UGT1A4: variants seen among roughly 807,000 people sequenced by gnomAD.
UGT1A4 encodes UDP glucuronosyltransferase family 1 member A4, also known as UDP-glucuronosyltransferase 1A4.
A neutral mutation model predicts 41.1 loss-of-function variants in UGT1A4; 32 were observed. The ratio of observed to expected loss-of-function variants is 0.78; its 90% CI spans 0.59 to 1.05. UGT1A4 has a LOEUF of 1.05. Ranked by LOEUF, UGT1A4 falls within the 50% of genes least tolerant of loss-of-function variation. The pLI is 0.00. For synonymous variants in UGT1A4, 283 were observed against 265.1 expected (o/e 1.07, Z -0.66); for missense variants, 748 against 677.4 (o/e 1.10, Z -1.16).
intron 1 of UGT1A4, chr2:233,729,238 G>A: frequency 6.2e-7 from 1 of 1,614,214 alleles, no homozygotes; most frequent in Non-Finnish European, 8.5e-7. Flanking sequence ...GCCCATTGAT[G>A]GCAGCCACTG....
intron 1 of UGT1A4, chr2:233,721,701 C>T: frequency 2.8e-6 from 1 of 362,480 alleles, no homozygotes; most frequent in Non-Finnish European, 5.5e-6. Flanking sequence ...ACGCATGGCT[C>T]ATCTTGGATG....
chr2:233,760,197 G>A (rs2125980210), intron 1 of UGT1A4: 1 of 1,578,860 alleles, frequency 6.3e-7, no homozygotes, highest in Admixed American at 1.7e-5. Context: ...ACGTGACACA[G>A]TCAAACATTA....
At chr2:233,728,368 C>T (rs1168371708) in intron 1 of UGT1A4, among the ~76,000 whole-genome samples, 7 of 152,282 alleles carry the variant, frequency 4.6e-5, no homozygotes, top group African/African-American at 1.2e-4. Context: ...CTGAACCCAC[C>T]ATGGGTCTTT....
In UGT1A4 at chr2:233,760,900, AC is replaced by A. The variant is rs1697605792; in HGVS notation, c.868-6132del. 3.1e-6 allele frequency: 5 copies of A among 1,613,652 alleles called. No individual in the cohort carries two copies. The highest frequency in any genetic ancestry group is 3.3e-5 in the Admixed American group (2 of 59,970). On this transcript the variant is annotated intron_variant, in intron 1 of 4. Coordinates refer to ENST00000373409, the MANE Select transcript of UGT1A4 (RefSeq NM_007120.3). The stretch of plus-strand genomic sequence containing the variant: ...TCTCTCCTCTCATTCAGATCACATG[AC>A]CTTCCTGCAGCGGGTGAAGAACATG...
intron 1 of UGT1A4, among the ~76,000 whole-genome samples, chr2:233,735,108 G>A (rs1171222877): frequency 3.9e-5 from 6 of 152,182 alleles, no homozygotes; most frequent in Non-Finnish European, 8.8e-5. Context: ...AATATCGACA[G>A]TGGGATGTTA....
chr2:233,743,205 G>A (rs1013981609), intron 1 of UGT1A4: 19 of 391,306 alleles, frequency 4.9e-5, no homozygotes, highest in South Asian at 9.4e-5. Flanking sequence ...GTGTCAATGC[G>A]GAGTAACTGC....
intron 1 of UGT1A4, among the ~76,000 whole-genome samples, chr2:233,765,129 C>T (rs936294408): frequency 1.3e-5 from 2 of 152,146 alleles, no homozygotes; most frequent in African/African-American, 2.4e-5. Flanking sequence ...CAGGTTTTAG[C>T]ACTGAACATC....
chr2:233,721,853 G>A, intron 1 of UGT1A4: 2 of 512,954 alleles, frequency 3.9e-6, no homozygotes, highest in South Asian at 2.8e-5. Flanking sequence ...CAGCCCCACT[G>A]CTCGGCCCTG....
chr2:233,736,519 G>A (rs746723553), intron 1 of UGT1A4, among the ~76,000 whole-genome samples: 27 of 152,186 alleles, frequency 1.8e-4, no homozygotes, highest in African/African-American at 5.3e-4. Context: ...CTGTCAACTC[G>A]TCAAAGTCAT....
intron 1 of UGT1A4, chr2:233,760,742 C>T: frequency 3.1e-6 from 5 of 1,614,166 alleles, no homozygotes; most frequent in Non-Finnish European, 4.2e-6. Context: ...CTGACGGACC[C>T]TTTCCTTCCT....
rs17868341 is a variant in UGT1A4 at position 233,761,240 on chromosome 2, C to T, written c.868-5794C>T. ...TAACTAGCCCCAGATATATGCTGAG[C>T]AAGCATTCTGAGATAATTTAAAATG... is the stretch of plus-strand genomic sequence containing the variant. On this transcript the variant is annotated intron_variant, in intron 1 of 4. Coordinates refer to ENST00000373409, the MANE Select transcript of UGT1A4 (RefSeq NM_007120.3). 0.052 allele frequency: 84,282 copies of T among 1,611,682 alleles called. 2,670 individuals carry two copies. The highest frequency in any genetic ancestry group is 0.063 in the Non-Finnish European group (74,222 of 1,178,902).
rs28900381 is a variant in UGT1A4 at position 233,747,569 on chromosome 2, T to A, written c.868-19465T>A. The A allele has an allele frequency of 1.9e-3, 2,961 of 1,591,598 alleles. 126 individuals are homozygous for A. The African/African-American group carries it at 0.036, about 19-fold the overall frequency. Reference sequence around the variant, plus strand: ...CTAAAAGTATGGCAATTTTGAAAAATTCATCTTTGGTCTTTCATAGGTCTT... The same window carrying A: ...CTAAAAGTATGGCAATTTTGAAAAAATCATCTTTGGTCTTTCATAGGTCTT... On this transcript the variant is annotated intron_variant, in intron 1 of 4. Transcript: ENST00000373409.
intron 1 of UGT1A4, among the ~76,000 whole-genome samples, chr2:233,737,165 G>A (rs941026420): frequency 6.6e-6 from 1 of 152,234 alleles, no homozygotes; most frequent in African/African-American, 2.4e-5. Flanking sequence ...CCACAGAGGT[G>A]GAGTCTATAG....
chr2:233,749,297 T>C (rs761343175), intron 1 of UGT1A4, among the ~76,000 whole-genome samples: 35 of 151,972 alleles, frequency 2.3e-4, no homozygotes, highest in Non-Finnish European at 4.0e-4. Flanking sequence ...TATTCAATTA[T>C]AAAATATGTG....
chr2:233,729,476 T>G lies in UGT1A4; in HGVS notation c.867+9789T>G, dbSNP rs780193627. On this transcript the variant is annotated intron_variant, in intron 1 of 4. Coordinates refer to ENST00000373409, the MANE Select transcript of UGT1A4 (RefSeq NM_007120.3). Reference sequence around the variant, plus strand: ...AAATTTTTCAGAAGTATGGCAATGTTGAACAATATGTCTTTGGTCTATCAT... The same window carrying G: ...AAATTTTTCAGAAGTATGGCAATGTGGAACAATATGTCTTTGGTCTATCAT... 12 of 1,614,098 alleles carry G rather than the reference T, an allele frequency of 7.4e-6. No individual in the cohort carries two copies. In the African/African-American group the frequency reaches 1.6e-4, roughly 22 times the overall value.
chr2:233,760,932 T>C, intron 1 of UGT1A4: 1 of 1,614,198 alleles, frequency 6.2e-7, no homozygotes, highest in Non-Finnish European at 8.5e-7. Context: ...ACATGCTCAT[T>C]GCCTTTTCAC....
chr2:233,759,599 A>ACCCCCCCCCCCCCCC (rs1553620419), intron 1 of UGT1A4, among the ~76,000 whole-genome samples: 9 of 108,734 alleles, frequency 8.3e-5, no homozygotes, highest in African/African-American at 2.3e-4. Flanking sequence ...CCCACCCCCG[A>ACCCCCCCCCCCCCCC]CCCGCCCCAC....
chr2:233,734,126 AG>A (rs1325771247), intron 1 of UGT1A4, among the ~76,000 whole-genome samples: 3 of 151,608 alleles, frequency 2.0e-5, no homozygotes, highest in Non-Finnish European at 4.4e-5. Context: ...AATAATAAAA[AG>A]AATTTGGCTG....
At chr2:233,771,672 A>G (rs1345371063) in intron 4 of UGT1A4, 4 of 152,446 alleles carry the variant, frequency 2.6e-5, no homozygotes, top group Non-Finnish European at 4.4e-5. Flanking sequence ...CTCACAAAAT[A>G]TCACTAAAAA....
Sources: allele counts gnomAD v4.1 joint callset (sites outside exome capture counted in the v4.1 genomes callset), GRCh38; gene constraint gnomAD v4.1.1; transcripts MANE v1.5; gene names NCBI Gene and HGNC (gene_info 2026-07-23, HGNC 2026-07-21).